The following MYO1H variants were observed in gnomAD, a reference collection of about 807,000 sequenced individuals.
MYO1H encodes unconventional myosin-Ih.
MYO1H carries 118 observed loss-of-function variants against 149.3 expected under a neutral mutation model. The ratio of observed to expected loss-of-function variants is 0.79; its 90% confidence interval spans 0.68 to 0.92. The LOEUF is 0.92. Ranked by LOEUF, MYO1H falls within the 40% of genes least tolerant of loss-of-function variation. The probability of loss-of-function intolerance (pLI) is 0.00; values close to 1 mark genes in which losing one functional copy is unlikely to be tolerated. For missense variants in MYO1H, 1,212 were observed against 1,280.7 expected (o/e 0.95, Z 0.82); for synonymous variants, 447 against 465.2 (o/e 0.96, Z 0.50).
At chr12:109,325,643 A>G in the MYO1H span, among the ~76,000 whole-genome samples, 16 of 152,340 alleles carry the variant, frequency 1.1e-4, no homozygotes, top group East Asian at 3.1e-3. Flanking sequence ...TAAACAGGCA[A>G]CCTACAGAAT....
the MYO1H span, among the ~76,000 whole-genome samples, chr12:109,331,531 A>G: frequency 6.6e-6 from 1 of 152,226 alleles, no homozygotes; most frequent in Non-Finnish European, 1.5e-5. Context: ...ATTCAGACAC[A>G]AAGTCTGGGC....
At chr12:109,347,377 C>T (rs556426376), upstream of MYO1H, among the ~76,000 whole-genome samples, 1 of 152,264 alleles carries the variant, frequency 6.6e-6, no homozygotes, top group African/African-American at 2.4e-5. Context: ...GATGATAGTG[C>T]CCCTGCATCA....
At chr12:109,401,421 A>C in intron 6 of MYO1H, 149 bp downstream of exon 6, 1 of 743,964 alleles carries the variant, frequency 1.3e-6, no homozygotes, top group Non-Finnish European at 2.1e-6. Flanking sequence ...TATCACAAGC[A>C]ATCTAATCCA....
the MYO1H span, among the ~76,000 whole-genome samples, chr12:109,336,868 T>TA: frequency 1.3e-5 from 2 of 152,176 alleles, no homozygotes; most frequent in African/African-American, 4.8e-5. Flanking sequence ...TCATAGGTGA[T>TA]AGAGTGCTCT....
chr12:109,378,096 C>T (rs1869122805), intron 1 of MYO1H, among the ~76,000 whole-genome samples: 2 of 152,086 alleles, frequency 1.3e-5, no homozygotes, highest in African/African-American at 2.4e-5. Context: ...ATTCATATGC[C>T]ATACAATTAA....
chr12:109,444,102 AGCTAGGAGAATGAAGTGTGGTGTTGG>A, intron 28 of MYO1H, 85 bp from the exon 29 acceptor site: 1 of 822,414 alleles, frequency 1.2e-6, no homozygotes, highest in Non-Finnish European at 2.1e-6. Flanking sequence ...TTCTGGGCCC[AGCTAGGAGAATGAAGTGTGGTGTTGG>A]GCAGCCCCTG....
chr12:109,443,160 G>GTA (rs544923158), intron 27 of MYO1H, among the ~76,000 whole-genome samples: 2,515 of 33,174 alleles, frequency 0.076, 746 homozygotes, highest in African/African-American at 0.33. Context: ...GTATGTGTGT[G>GTA]TATATGTGTA....
chr12:109,436,640 C>A, intron 22 of MYO1H, 84 bp downstream of exon 22: 1 of 889,408 alleles, frequency 1.1e-6, no homozygotes, highest in Non-Finnish European at 1.8e-6. Context: ...TTCTCTCCCC[C>A]TGCTCATCCT....
the MYO1H span, among the ~76,000 whole-genome samples, chr12:109,342,123 A>ATTTT: frequency 9.4e-6 from 1 of 106,874 alleles, no homozygotes; most frequent in African/African-American, 4.4e-5. Context: ...TTAAAATTTG[A>ATTTT]TTCTTTTTTT....
the MYO1H span, among the ~76,000 whole-genome samples, chr12:109,320,455 CAAA>C: frequency 2.7e-4 from 17 of 63,340 alleles, no homozygotes; most frequent in African/African-American, 4.5e-4. Flanking sequence ...ATTAAAAATA[CAAA>C]AAAAAAAAAA....
intron 1 of MYO1H, among the ~76,000 whole-genome samples, chr12:109,363,284 T>G (rs756833257): frequency 2.0e-5 from 3 of 152,230 alleles, no homozygotes; most frequent in Non-Finnish European, 4.4e-5. Context: ...GAGTATTCCC[T>G]AGGGTGCTTC....
At chr12:109,415,493 A>G (rs775657105) in intron 14 of MYO1H, 33 bp from the exon 15 acceptor site, 2 of 1,556,966 alleles carry the variant, frequency 1.3e-6, no homozygotes, top group African/African-American at 1.4e-5. Flanking sequence ...AAAAGAAAAG[A>G]AAGTTCAACT....
intron 12 of MYO1H, 96 bp downstream of exon 12, chr12:109,410,164 C>T (rs1033553339): frequency 1.2e-5 from 7 of 588,172 alleles, no homozygotes; most frequent in African/African-American, 5.9e-5. Context: ...TTTTTTGAGA[C>T]AAGATCTCAC....
chr12:109,364,689 C>T (rs1037719759), intron 1 of MYO1H, among the ~76,000 whole-genome samples: 1 of 152,102 alleles, frequency 6.6e-6, no homozygotes, highest in African/African-American at 2.4e-5. Flanking sequence ...TTTTAGATAA[C>T]ACCACAGAAA....
At chr12:109,349,306 T>A (rs1488385731) in intron 1 of MYO1H, among the ~76,000 whole-genome samples, 2 of 152,216 alleles carry the variant, frequency 1.3e-5, no homozygotes, top group Non-Finnish European at 2.9e-5. Context: ...TTCCTTCTTA[T>A]GAATTAATTC....
At chr12:109,392,976 A>C (rs1251102435) in intron 2 of MYO1H, among the ~76,000 whole-genome samples, 2 of 151,276 alleles carry the variant, frequency 1.3e-5, no homozygotes, top group African/African-American at 4.9e-5. Context: ...CACCTGGCTA[A>C]TTTTTTGTAT....
At position 109,388,672 on chromosome 12, in the gene MYO1H, A is replaced by G. The variant is rs763236071; in HGVS notation, c.13-11A>G. 1.5e-5 allele frequency: 23 copies of G among 1,544,494 alleles called. No individual in the cohort carries two copies. In the South Asian group the frequency reaches 2.2e-4, roughly 15 times the overall value. On this transcript the variant is annotated splice_polypyrimidine_tract_variant and intron_variant, in intron 1 of 31. Transcript: ENST00000310903. The stretch of plus-strand genomic sequence containing the variant: ...TAGATGAGCTGCTGAAGAATGTTCT[A>G]TTTCCCGTAGAAAGAAGACGTGAGG...
chr12:109,393,398 A>G (rs1395881012), exon 3 of MYO1H: 1 of 1,589,594 alleles, frequency 6.3e-7, no homozygotes, highest in Non-Finnish European at 8.6e-7. Context: ...ACTGTGAGCC[A>G]GATGGAACTT....
exon 32 of MYO1H, chr12:109,447,712 G>A (rs1036746400): frequency 1.8e-5 from 3 of 169,806 alleles, no homozygotes; most frequent in East Asian, 1.4e-4. Context: ...GTGCACTGGC[G>A]TGTCTATGCG....
Sources: gnomAD v4.1 joint callset for allele counts (sites outside exome capture counted in the v4.1 genomes callset) on GRCh38, gnomAD v4.1.1 for gene constraint, MANE v1.5 for transcripts, NCBI Gene and HGNC (gene_info 2026-07-23, HGNC 2026-07-21) for gene names.